ATP2B2: variants seen among roughly 807,000 people sequenced by gnomAD.
ATP2B2 encodes plasma membrane calcium-transporting ATPase 2.
Under a neutral mutation model 120.0 loss-of-function variants are expected in ATP2B2, and 15 were observed. That is an observed-to-expected ratio of 0.12 (90% CI 0.08 to 0.19). The LOEUF is 0.19. Among genes scored for constraint, ATP2B2 ranks in the 10% least tolerant of loss-of-function variants. The pLI is 1.00. For missense variants in ATP2B2, 1,045 were observed against 1,719.8 expected, an observed-to-expected ratio of 0.61 and a Z score of 6.94; for synonymous variants, 694 against 700.3, an observed-to-expected ratio of 0.99 and a Z score of 0.14.
chr3:10,632,353 A>G (rs1246474111), intron 1 of ATP2B2, among the ~76,000 whole-genome samples: 1 of 152,154 alleles, frequency 6.6e-6, no homozygotes, highest in Non-Finnish European at 1.5e-5. Context: ...GCAGCATGAC[A>G]TCAGCATGGC....
At chr3:10,634,418 T>G (rs920441132) in intron 1 of ATP2B2, among the ~76,000 whole-genome samples, 11 of 152,148 alleles carry the variant, frequency 7.2e-5, no homozygotes, top group African/African-American at 2.4e-4. Flanking sequence ...CTTGGAGACA[T>G]CCCCAGGGGT....
intron 2 of ATP2B2, among the ~76,000 whole-genome samples, chr3:10,539,611 T>A (rs570934951): frequency 6.6e-6 from 1 of 152,232 alleles, no homozygotes; most frequent in South Asian, 2.1e-4. Flanking sequence ...CAACAAGAAA[T>A]GGGGAAAGGA....
chr3:10,371,807 A>C lies in ATP2B2; in HGVS notation c.1659+2T>G. On this transcript the variant is annotated splice_donor_variant, in intron 12 of 22. Transcript: ENST00000360273. LOFTEE classifies it high-confidence loss of function. Reference sequence around the variant, plus strand: ...TGGTGGATGTGCCTGGTCCACACTTACCAGAATCTTGGTGGTGTAGGCGCT... The same window carrying C: ...TGGTGGATGTGCCTGGTCCACACTTCCCAGAATCTTGGTGGTGTAGGCGCT... 6.2e-7 allele frequency: 1 copy of C among 1,613,876 alleles called. No homozygotes were observed. Among genetic ancestry groups the C allele is most frequent in the Non-Finnish European group, 8.5e-7 (1 of 1,179,950 alleles).
chr3:10,542,262 T>C lies in ATP2B2; in HGVS notation c.-414-8129A>G, dbSNP rs1438266381. Among the ~76,000 whole-genome samples the C allele has an allele frequency of 2.6e-5, 4 of 152,224 alleles. No homozygotes were observed. In the East Asian group the frequency reaches 7.7e-4, roughly 29 times the overall value. On this transcript the variant is annotated intron_variant, in intron 2 of 21. Transcript: ENST00000646379. ...TTGATATTTAATGTAATAATTGATA[T>C]ATTAAGGTTTAAGTCTGTCATTTTA...
chr3:10,659,992 T>C (rs1379652838), intron 1 of ATP2B2, among the ~76,000 whole-genome samples: 2 of 152,208 alleles, frequency 1.3e-5, no homozygotes, highest in Non-Finnish European at 2.9e-5. Context: ...TGCTCCTGAA[T>C]GACTACTGGA....
In ATP2B2 at chr3:10,402,505, A is replaced by G. The variant is rs1175480485; in HGVS notation, c.398-157T>C. Among the ~76,000 whole-genome samples, 2 of 152,240 alleles carry G rather than the reference A, an allele frequency of 1.3e-5. No homozygotes were observed. The highest frequency in any genetic ancestry group is 1.3e-4 in the Admixed American group (2 of 15,280). On this transcript the variant is annotated intron_variant, in intron 3 of 22. Transcript: ENST00000360273. This position sits in a 1 kb window ranked among gnomAD's most constrained non-coding sequence, Gnocchi z 4.9. Reference sequence around the variant, plus strand: ...TGTGTCTGGGTACCAAGCCCTGTGGAAAGTGCTTCACGCAGATCATCTCAC... The same window carrying G: ...TGTGTCTGGGTACCAAGCCCTGTGGGAAGTGCTTCACGCAGATCATCTCAC...
chr3:10,594,472 A>C (rs2068715259), intron 2 of ATP2B2, among the ~76,000 whole-genome samples: 1 of 151,518 alleles, frequency 6.6e-6, no homozygotes, highest in African/African-American at 2.4e-5. Flanking sequence ...CAAGGACAAA[A>C]AACCAAACAT....
intron 1 of ATP2B2, among the ~76,000 whole-genome samples, chr3:10,491,097 C>T (rs1016639573): frequency 4.1e-4 from 62 of 152,210 alleles, no homozygotes; most frequent in African/African-American, 1.4e-3. Context: ...CTCAGGGGTG[C>T]TTGGTTGGGG....
intron 1 of ATP2B2, among the ~76,000 whole-genome samples, chr3:10,621,677 C>A (rs2069553823): frequency 6.6e-6 from 1 of 152,214 alleles, no homozygotes; most frequent in Non-Finnish European, 1.5e-5. Flanking sequence ...CTAATAAGGC[C>A]AACCTGGAGG....
chr3:10,441,521 C>T (rs940978130), intron 2 of ATP2B2, among the ~76,000 whole-genome samples: 5 of 152,160 alleles, frequency 3.3e-5, no homozygotes, highest in East Asian at 1.9e-4. Context: ...ATTACTGGTG[C>T]GAGCCACTGC....
chr3:10,705,934 C>A (rs1162643145), intron 1 of ATP2B2, among the ~76,000 whole-genome samples: 1 of 152,170 alleles, frequency 6.6e-6, no homozygotes, highest in African/African-American at 2.4e-5. Context: ...AACTATATAG[C>A]CGGCCTACGT....
chr3:10,668,154 A>G (rs76661641), intron 1 of ATP2B2, among the ~76,000 whole-genome samples: 4,264 of 152,310 alleles, frequency 0.028, 77 homozygotes, highest in South Asian at 0.087. Flanking sequence ...CAACGCGGGC[A>G]GCTCACAGAG....
chr3:10,354,907 A>G (rs1366446208), intron 14 of ATP2B2, among the ~76,000 whole-genome samples: 1 of 152,180 alleles, frequency 6.6e-6, no homozygotes, highest in Non-Finnish European at 1.5e-5. Flanking sequence ...AGGGTGACAA[A>G]TAATTCTGCA....
chr3:10,581,728 C>T (rs949828294), intron 2 of ATP2B2, among the ~76,000 whole-genome samples: 4 of 152,324 alleles, frequency 2.6e-5, no homozygotes, highest in Middle Eastern at 3.4e-3. Context: ...TTGGAAAAAA[C>T]TCCTCCAAGG....
intron 2 of ATP2B2, among the ~76,000 whole-genome samples, chr3:10,424,387 C>A (rs1476948328): frequency 1.3e-5 from 2 of 152,174 alleles, no homozygotes; most frequent in Non-Finnish European, 2.9e-5. Flanking sequence ...GACAACTCTG[C>A]CATTTTCCTT....
At chr3:10,591,271 T>C (rs1319375243) in intron 2 of ATP2B2, among the ~76,000 whole-genome samples, 2 of 152,184 alleles carry the variant, frequency 1.3e-5, no homozygotes, top group Non-Finnish European at 2.9e-5. Flanking sequence ...TTCACTTGCA[T>C]GTTCCACAAC....
intron 22 of ATP2B2, among the ~76,000 whole-genome samples, chr3:10,334,290 C>A (rs543308621): frequency 1.3e-5 from 2 of 152,180 alleles, no homozygotes; most frequent in Non-Finnish European, 2.9e-5. Context: ...CAGCCCCAGC[C>A]GGAGGGCCGC....
chr3:10,548,378 G>T (rs149579049), intron 2 of ATP2B2, among the ~76,000 whole-genome samples: 170 of 152,346 alleles, frequency 1.1e-3, no homozygotes, highest in African/African-American at 3.8e-3. Context: ...ATCTGCCTGA[G>T]CATGTTCTTT....
intron 2 of ATP2B2, among the ~76,000 whole-genome samples, chr3:10,619,049 C>T (rs965119522): frequency 6.6e-6 from 1 of 152,164 alleles, no homozygotes; most frequent in Non-Finnish European, 1.5e-5. Flanking sequence ...GCCAGTTGCA[C>T]ACACACCCAC....
Sources: allele counts gnomAD v4.1 joint callset (sites outside exome capture counted in the v4.1 genomes callset), GRCh38; gene constraint gnomAD v4.1.1; non-coding constraint Gnocchi (gnomAD v3.1); transcripts MANE v1.5; gene names NCBI Gene and HGNC (gene_info 2026-07-23, HGNC 2026-07-21).